The following BABAM2 variants were observed in gnomAD, a reference collection of about 807,000 sequenced individuals.
BABAM2 encodes the protein BRISC and BRCA1 A complex member 2, also known as BRISC and BRCA1-A complex member 2.
In BABAM2, 31 loss-of-function variants were observed where a neutral mutation model predicts 54.7. The ratio of observed to expected loss-of-function variants is 0.57; its 90% CI spans 0.43 to 0.77. The LOEUF is 0.77. Ranked by LOEUF, BABAM2 falls within the 30% of genes least tolerant of loss-of-function variation. The probability of loss-of-function intolerance (pLI) is 0.00; values close to 1 mark genes in which losing one functional copy is unlikely to be tolerated. For missense variants in BABAM2, 364 were observed against 455.8 expected, an observed-to-expected ratio of 0.80 and a Z score of 1.83; for synonymous variants, 167 against 162.9, an observed-to-expected ratio of 1.03 and a Z score of -0.19.
chr2:28,016,394 A>G, intron 4 of BABAM2: 1 of 1,399,216 alleles, frequency 7.1e-7, no homozygotes, highest in Admixed American at 1.7e-5. Flanking sequence ...ATAATCCTGT[A>G]TTTTTGGCCC....
chr2:27,937,173 A>G (rs1384432539), intron 3 of BABAM2, among the ~76,000 whole-genome samples: 2 of 152,216 alleles, frequency 1.3e-5, no homozygotes, highest in African/African-American at 2.4e-5. Context: ...ACTTTAAATC[A>G]TCTTTAGATT....
intron 4 of BABAM2, among the ~76,000 whole-genome samples, chr2:28,007,035 CT>C (rs200387334): frequency 1.8e-4 from 27 of 150,772 alleles, no homozygotes; most frequent in African/African-American, 3.4e-4. Flanking sequence ...ATAATTTGAT[CT>C]TTTTTTTTGA....
intron 10 of BABAM2, 84 bp from the exon 11 acceptor site, chr2:28,298,254 C>A: frequency 7.0e-7 from 1 of 1,425,806 alleles, no homozygotes; most frequent in Non-Finnish European, 9.6e-7. Context: ...GAGTTTCGTA[C>A]CTAACATTCG....
intron 2 of BABAM2, among the ~76,000 whole-genome samples, chr2:27,899,643 T>A (rs1665627584): frequency 6.6e-6 from 1 of 152,140 alleles, no homozygotes; most frequent in Non-Finnish European, 1.5e-5. Context: ...TTTTTTGTAT[T>A]TTTAGTAGAG....
chr2:28,207,113 A>T (rs1329660627), intron 7 of BABAM2, among the ~76,000 whole-genome samples: 1 of 152,198 alleles, frequency 6.6e-6, no homozygotes, highest in Non-Finnish European at 1.5e-5. Context: ...TAACCACTAC[A>T]CTAGTATCTT....
At chr2:28,212,522 T>G (rs1463621328) in intron 7 of BABAM2, among the ~76,000 whole-genome samples, 1 of 152,238 alleles carries the variant, frequency 6.6e-6, no homozygotes, top group Non-Finnish European at 1.5e-5. Flanking sequence ...TGGAATTTTT[T>G]TCCTACATTT....
chr2:27,918,645 T>C (rs1361192112), intron 2 of BABAM2, among the ~76,000 whole-genome samples: 1 of 152,216 alleles, frequency 6.6e-6, no homozygotes. Flanking sequence ...ATTTGTATTT[T>C]AGAATCTGCC....
At chr2:28,017,685 A>G (rs1416684102) in intron 4 of BABAM2, among the ~76,000 whole-genome samples, 1 of 152,200 alleles carries the variant, frequency 6.6e-6, no homozygotes, top group Non-Finnish European at 1.5e-5. Flanking sequence ...TTTTCCCCCA[A>G]GTCTCCAGCC....
In BABAM2 at chr2:27,899,312, C is replaced by T. The variant is rs190931387; in HGVS notation, c.128+4628C>T. Reference sequence around the variant, plus strand: ...AACCTGAAATTCTTACTCTTTCTATCAGTATCCTGAGAAACCAGTTACGTT... The same window carrying T: ...AACCTGAAATTCTTACTCTTTCTATTAGTATCCTGAGAAACCAGTTACGTT... On this transcript the variant is annotated intron_variant, in intron 2 of 11. Coordinates refer to ENST00000379624, the MANE Select transcript of BABAM2 (RefSeq NM_199191.3). Among the ~76,000 whole-genome samples the T allele has an allele frequency of 2.4e-4, 36 of 152,278 alleles. 1 individual carries two copies. Among genetic ancestry groups the T allele is most frequent in the Admixed American group, 1.2e-3 (19 of 15,298 alleles).
intron 6 of BABAM2, among the ~76,000 whole-genome samples, chr2:28,114,874 A>G (rs143755577): frequency 0.013 from 1,996 of 152,292 alleles, 24 homozygotes; most frequent in Non-Finnish European, 0.021. Flanking sequence ...TTGGAAAGTC[A>G]AGTTAATAAT....
At chr2:27,972,008 C>T (rs989337484) in intron 3 of BABAM2, among the ~76,000 whole-genome samples, 3 of 151,654 alleles carry the variant, frequency 2.0e-5, no homozygotes, top group Non-Finnish European at 2.9e-5. Flanking sequence ...TTTTATGCAC[C>T]GAAATAAGTA....
At chr2:28,036,746 TTC>T (rs1369960596) in intron 5 of BABAM2, among the ~76,000 whole-genome samples, 1 of 152,220 alleles carries the variant, frequency 6.6e-6, no homozygotes. Flanking sequence ...TTTCAATAAA[TTC>T]TCTTTTGTTT....
intron 7 of BABAM2, among the ~76,000 whole-genome samples, chr2:28,137,152 C>T (rs1446459260): frequency 6.6e-6 from 1 of 151,794 alleles, no homozygotes; most frequent in Non-Finnish European, 1.5e-5. Flanking sequence ...AAAAAAGAGA[C>T]CTTCCAGATC....
intron 10 of BABAM2, among the ~76,000 whole-genome samples, chr2:28,262,626 A>G (rs1168445589): frequency 1.3e-5 from 2 of 152,146 alleles, no homozygotes; most frequent in East Asian, 3.9e-4. Context: ...CATCTTAGGC[A>G]AGGTTTACTT....
chr2:28,156,889 A>G (rs1672590214), intron 7 of BABAM2, among the ~76,000 whole-genome samples: 2 of 152,330 alleles, frequency 1.3e-5, no homozygotes, highest in Non-Finnish European at 2.9e-5. Context: ...AAATTTTTAA[A>G]TGGAACTTAA....
intron 4 of BABAM2, among the ~76,000 whole-genome samples, chr2:28,002,059 G>GT (rs1367243725): frequency 2.6e-5 from 1 of 39,186 alleles, no homozygotes; most frequent in South Asian, 2.7e-3. Context: ...AATCAAACAG[G>GT]TAAAAAAAAA....
chr2:28,237,041 A>G (rs1681979107), intron 7 of BABAM2, among the ~76,000 whole-genome samples, 161 bp from the exon 8 acceptor site: 1 of 152,352 alleles, frequency 6.6e-6, no homozygotes, highest in East Asian at 1.9e-4. Context: ...GAATTAAAAT[A>G]CAGAAATGTA....
At chr2:28,191,909 TA>T (rs902021394) in intron 7 of BABAM2, among the ~76,000 whole-genome samples, 6 of 151,746 alleles carry the variant, frequency 4.0e-5, no homozygotes, top group Non-Finnish European at 8.8e-5. Flanking sequence ...CTCAAAACTA[TA>T]AAAAAAAGAA....
rs150564087 is a variant in BABAM2, at chr2:28,163,370, G to A, written c.680+33990G>A. ...AATGTGACCTCTTGTGTTATGTGGA[G>A]TAAGTCAGTAGCTGGCTATCAGGGA... is the stretch of plus-strand genomic sequence containing the variant. On this transcript the variant is annotated intron_variant, in intron 7 of 11. Transcript: ENST00000379624. Among the ~76,000 whole-genome samples, 218 of 152,308 alleles carry A rather than the reference G, an allele frequency of 1.4e-3. 2 individuals carry two copies. The highest frequency in any genetic ancestry group is 5.0e-3 in the African/African-American group (207 of 41,558).
Sources: allele counts gnomAD v4.1 joint callset (sites outside exome capture counted in the v4.1 genomes callset), GRCh38; gene constraint gnomAD v4.1.1; transcripts MANE v1.5; gene names NCBI Gene and HGNC (gene_info 2026-07-23, HGNC 2026-07-21).